PAX3: variants seen among roughly 807,000 people sequenced by gnomAD.
The protein encoded by PAX3 is paired box protein Pax-3.
In PAX3, 14 loss-of-function variants were observed where a neutral mutation model predicts 51.6. The ratio of observed to expected loss-of-function variants is 0.27; its 90% confidence interval spans 0.18 to 0.42. The LOEUF (loss-of-function observed/expected upper bound fraction) is 0.42. Ranked by LOEUF, PAX3 falls within the 10% of genes least tolerant of loss-of-function variation. The pLI is 1.00. For missense variants in PAX3, 540 were observed against 642.8 expected (o/e 0.84, Z 1.73); for synonymous variants, 280 against 253.4 (o/e 1.11, Z -1.00).
chr2:222,265,778 A>G (rs750021827), intron 4 of PAX3, among the ~76,000 whole-genome samples: 4 of 152,270 alleles, frequency 2.6e-5, no homozygotes, highest in African/African-American at 4.8e-5. Context: ...TAACAATTCC[A>G]GAATACGATG....
chr2:222,235,822 G>A (rs566097970), intron 4 of PAX3, among the ~76,000 whole-genome samples: 44 of 152,216 alleles, frequency 2.9e-4, no homozygotes, highest in Middle Eastern at 3.4e-3. Flanking sequence ...TAGGACAGCC[G>A]TTACCACCAA....
At chr2:222,203,207 A>T (rs1488299237) in intron 7 of PAX3, among the ~76,000 whole-genome samples, 2 of 151,326 alleles carry the variant, frequency 1.3e-5, no homozygotes, top group East Asian at 3.9e-4. Context: ...TGCTTCACCA[A>T]CTCAAGATCC....
intron 4 of PAX3, among the ~76,000 whole-genome samples, chr2:222,266,741 A>G (rs1277961613): frequency 6.6e-6 from 1 of 152,222 alleles, no homozygotes; most frequent in Non-Finnish European, 1.5e-5. Flanking sequence ...ATGTATGTCC[A>G]AAGGAGGTGG....
chr2:222,252,996 G>T (rs912635581), intron 4 of PAX3, among the ~76,000 whole-genome samples: 2 of 152,114 alleles, frequency 1.3e-5, no homozygotes, highest in South Asian at 2.1e-4. Flanking sequence ...TAGAACCAAA[G>T]TTGTCACCTC....
At chr2:222,277,668 G>A (rs1179325970) in intron 4 of PAX3, among the ~76,000 whole-genome samples, 1 of 152,144 alleles carries the variant, frequency 6.6e-6, no homozygotes, top group Non-Finnish European at 1.5e-5. Flanking sequence ...GGTCGCAGTG[G>A]CTCACACCTG....
chr2:222,246,018 C>T (rs996308183), intron 4 of PAX3, among the ~76,000 whole-genome samples: 15 of 151,912 alleles, frequency 9.9e-5, no homozygotes, highest in African/African-American at 3.6e-4. Flanking sequence ...GATCAACTTT[C>T]CTTTCTAGCA....
At chr2:222,261,447 C>A (rs1017110076) in intron 4 of PAX3, among the ~76,000 whole-genome samples, 1 of 152,006 alleles carries the variant, frequency 6.6e-6, no homozygotes, top group African/African-American at 2.4e-5. Flanking sequence ...TGGAACATTA[C>A]AACACAGCAT....
chr2:222,242,767 T>C (rs1693064744), intron 4 of PAX3: 1 of 152,196 alleles, frequency 6.6e-6, no homozygotes, highest in South Asian at 2.1e-4. Flanking sequence ...GAAATTATGT[T>C]CTGTACAGTT....
At chr2:222,216,731 G>C (rs559092628) in intron 7 of PAX3, among the ~76,000 whole-genome samples, 10,272 of 151,156 alleles carry the variant, frequency 0.068, 563 homozygotes, top group Admixed American at 0.17. Context: ...CACACAGAGA[G>C]AGAGAGAGAG....
chr2:222,252,487 C>G (rs1436155096), intron 4 of PAX3, among the ~76,000 whole-genome samples: 1 of 152,182 alleles, frequency 6.6e-6, no homozygotes, highest in Non-Finnish European at 1.5e-5. Context: ...TTCAATCTCT[C>G]TCATGCAGAA....
intron 4 of PAX3, among the ~76,000 whole-genome samples, chr2:222,267,879 C>T (rs1193971658): frequency 6.6e-6 from 1 of 151,892 alleles, no homozygotes; most frequent in Non-Finnish European, 1.5e-5. Context: ...TACGACTTAC[C>T]CTGGGTGACT....
chr2:222,249,783 C>A (rs2106123370), intron 4 of PAX3, among the ~76,000 whole-genome samples: 1 of 152,290 alleles, frequency 6.6e-6, no homozygotes, highest in African/African-American at 2.4e-5. Context: ...GTGAAAGACA[C>A]TTTCCTTCTA....
At chr2:222,250,043 T>C (rs1432741177) in intron 4 of PAX3, among the ~76,000 whole-genome samples, 1 of 152,066 alleles carries the variant, frequency 6.6e-6, no homozygotes, top group Non-Finnish European at 1.5e-5. Flanking sequence ...AATAAAACTG[T>C]GGTTTTATTT....
chr2:222,296,695 T>G (rs1695315013), intron 2 of PAX3, among the ~76,000 whole-genome samples: 1 of 152,214 alleles, frequency 6.6e-6, no homozygotes, highest in African/African-American at 2.4e-5. Flanking sequence ...TAGGTGTTTA[T>G]CCATTAAAAT....
At chr2:222,222,118 A>T (rs1692218109) in intron 5 of PAX3, among the ~76,000 whole-genome samples, 1 of 152,190 alleles carries the variant, frequency 6.6e-6, no homozygotes, top group Admixed American at 6.5e-5. Flanking sequence ...GATACAATAT[A>T]ATAAAATGCC....
chr2:222,266,571 C>A (rs944110191), intron 4 of PAX3, among the ~76,000 whole-genome samples: 1 of 152,172 alleles, frequency 6.6e-6, no homozygotes, highest in Admixed American at 6.5e-5. Flanking sequence ...TCTAGATTTG[C>A]GCAAACCTGG....
chr2:222,224,194 A>G (rs1692299315), intron 5 of PAX3, among the ~76,000 whole-genome samples: 1 of 152,214 alleles, frequency 6.6e-6, no homozygotes. Flanking sequence ...TATATTTATT[A>G]TACAGTATCT....
intron 4 of PAX3, among the ~76,000 whole-genome samples, chr2:222,243,204 G>A (rs1454973521): frequency 3.3e-5 from 5 of 152,130 alleles, no homozygotes; most frequent in South Asian, 4.1e-4. Flanking sequence ...CACTTTTTGT[G>A]CCAAAAGCCT....
At chr2:222,245,104 T>C (rs2106116481) in intron 4 of PAX3, among the ~76,000 whole-genome samples, 1 of 152,148 alleles carries the variant, frequency 6.6e-6, no homozygotes. Context: ...GCTGAGATCA[T>C]GCCACTGCAC....
Sources: allele counts gnomAD v4.1 joint callset (sites outside exome capture counted in the v4.1 genomes callset), GRCh38; gene constraint gnomAD v4.1.1; transcripts MANE v1.5; gene names NCBI Gene and HGNC (gene_info 2026-07-23, HGNC 2026-07-21).